GUCY1A1: variants seen among roughly 807,000 people sequenced by gnomAD.
GUCY1A1 encodes guanylate cyclase 1 soluble subunit alpha 1.
GUCY1A1 carries 48 observed loss-of-function variants against 64.5 expected under a neutral mutation model. The observed-to-expected ratio is 0.74, with a 90% CI of 0.59 to 0.95. GUCY1A1 has a LOEUF of 0.95. GUCY1A1 is among the 40% of genes least tolerant of loss of function. The pLI is 0.00. For synonymous variants in GUCY1A1, 308 were observed against 303.4 expected, an observed-to-expected ratio of 1.02 and a Z score of -0.16; for missense variants, 804 against 825.3, an observed-to-expected ratio of 0.97 and a Z score of 0.32.
intron 2 of GUCY1A1, among the ~76,000 whole-genome samples, chr4:155,673,363 T>G (rs1191065369): frequency 6.6e-6 from 1 of 151,554 alleles, no homozygotes; most frequent in African/African-American, 2.4e-5. Context: ...GTCTCAGAAT[T>G]ATACATGTCA....
rs554375013 is a variant in GUCY1A1 at position 155,686,406 on chromosome 4, G to A, written c.-112-10350G>A. Reference sequence around the variant, plus strand: ...TGAAGCAGGAGAATGACTTGAACCCGGGAGGCAGAGGTTGCAGTGAGCCAG... The same window carrying A: ...TGAAGCAGGAGAATGACTTGAACCCAGGAGGCAGAGGTTGCAGTGAGCCAG... On this transcript the variant is annotated intron_variant, in intron 2 of 9. Transcript: ENST00000506455. Among the ~76,000 whole-genome samples, 136 of 152,184 alleles carry A rather than the reference G, an allele frequency of 8.9e-4. 1 individual carries two copies. Among genetic ancestry groups the A allele is most frequent in the Non-Finnish European group, 1.4e-3 (97 of 68,036 alleles).
intron 4 of GUCY1A1, among the ~76,000 whole-genome samples, chr4:155,706,776 A>G (rs977337952): frequency 1.3e-5 from 2 of 152,218 alleles, no homozygotes; most frequent in Admixed American, 6.5e-5. Flanking sequence ...GAATTGCACT[A>G]TGTGCTGTTT....
rs1259726075 is a variant in GUCY1A1 at position 155,734,036 on chromosome 4, G to C, written c.*3805G>C. Among the ~76,000 whole-genome samples, 2 of 151,906 alleles carry C rather than the reference G, an allele frequency of 1.3e-5. No homozygotes were observed. The highest frequency in any genetic ancestry group is 1.5e-5 in the Non-Finnish European group (1 of 67,924). ...TAGGGAGGAAAGAAGAGTTGCTTCA[G>C]CATTTTGACTAACATTTCTTCCAAA... is the stretch of plus-strand genomic sequence containing the variant. On this transcript the variant is annotated 3_prime_UTR_variant, in exon 10 of 10. Transcript: ENST00000506455.
chr4:155,698,202 G>A (rs770304298), intron 3 of GUCY1A1, among the ~76,000 whole-genome samples: 17 of 151,982 alleles, frequency 1.1e-4, no homozygotes, highest in Admixed American at 2.0e-4. Context: ...GTCCAGGCTG[G>A]AATGACTGAG....
intron 4 of GUCY1A1, among the ~76,000 whole-genome samples, chr4:155,705,377 C>T (rs1371376713): frequency 1.3e-5 from 2 of 151,718 alleles, no homozygotes; most frequent in African/African-American, 2.4e-5. Flanking sequence ...GGCGAAACCC[C>T]GTCTCTACTA....
rs143251237 is a variant in GUCY1A1 at position 155,721,762 on chromosome 4, A to C, written c.1717-276A>C. On this transcript the variant is annotated intron_variant, in intron 8 of 9. Transcript: ENST00000506455. Reference sequence around the variant, plus strand: ...GCTGTGGTTACTATGATCCCTGTGCATGGAAACTTGTTTCAGATGTTGAAG... The same window carrying C: ...GCTGTGGTTACTATGATCCCTGTGCCTGGAAACTTGTTTCAGATGTTGAAG... Among the ~76,000 whole-genome samples the C allele has an allele frequency of 1.1e-3, 166 of 152,236 alleles. No homozygotes were observed. The East Asian group carries it at 0.027, about 25-fold the overall frequency.
rs1733384206 is a variant in GUCY1A1, at chr4:155,666,984, T to A, written c.-187+19T>A. On this transcript the variant is annotated intron_variant, in intron 1 of 9. Coordinates refer to ENST00000506455, the MANE Select transcript of GUCY1A1 (RefSeq NM_001130682.3). The stretch of plus-strand genomic sequence containing the variant: ...CACCATGGTGCGTTTTGGCTGCTAC[T>A]TTCTTTTTCAGTCTTTCGGTGCGGA... 1 of 152,502 alleles carries A rather than the reference T, an allele frequency of 6.6e-6. No homozygotes were observed. The highest frequency in any genetic ancestry group is 1.9e-4 in the East Asian group (1 of 5,194). 9.4% of individuals were successfully genotyped at this position (152,502 alleles called of 1,614,324 possible).
At chr4:155,719,845 T>C (rs1012038160) in intron 8 of GUCY1A1, among the ~76,000 whole-genome samples, 6 of 152,132 alleles carry the variant, frequency 3.9e-5, no homozygotes, top group Non-Finnish European at 5.9e-5. Flanking sequence ...ATGCCACAAG[T>C]GGTCTCAAAT....
At chr4:155,690,718 T>G (rs1450481045) in intron 2 of GUCY1A1, among the ~76,000 whole-genome samples, 1 of 152,198 alleles carries the variant, frequency 6.6e-6, no homozygotes, top group Non-Finnish European at 1.5e-5. Flanking sequence ...AGGACTAGGT[T>G]CAGATCTCTG....
Position 155,730,092 on chromosome 4 carries a change from A to C in GUCY1A1, c.1934A>C (p.Asn645Thr). The C allele has an allele frequency of 6.2e-7, 1 of 1,611,338 alleles. No homozygotes were observed. Among genetic ancestry groups the C allele is most frequent in the Non-Finnish European group, 8.5e-7 (1 of 1,178,006 alleles). ...TPRSREELPP[N>T]FPSEIPGICH... ...CGATCAAGGGAGGAACTTCCACCAA[A>C]CTTCCCTAGTGAAATCCCCGGAATC... Residue 645 changes from asparagine to threonine, a missense_variant, in exon 10 of 10, where the codon AAC becomes ACC. Physicochemically the swap from Asn to Thr is moderately conservative, Grantham distance 65. Coordinates refer to ENST00000506455, the MANE Select transcript of GUCY1A1 (RefSeq NM_001130682.3).
intron 4 of GUCY1A1, among the ~76,000 whole-genome samples, 155 bp from the exon 5 acceptor site, chr4:155,708,077 TCCAC>T (rs2126830054): frequency 6.6e-6 from 1 of 152,324 alleles, no homozygotes; most frequent in South Asian, 2.1e-4. Context: ...GACCTTGTGA[TCCAC>T]CCACCTCGGC....
At chr4:155,684,636 T>C (rs1037428480) in intron 2 of GUCY1A1, among the ~76,000 whole-genome samples, 2 of 152,160 alleles carry the variant, frequency 1.3e-5, no homozygotes, top group African/African-American at 4.8e-5. Flanking sequence ...ATGAGCCTTT[T>C]CTCTGGGGTC....
chr4:155,695,103 G>A (rs1055470642), intron 2 of GUCY1A1, among the ~76,000 whole-genome samples: 1 of 152,146 alleles, frequency 6.6e-6, no homozygotes, highest in African/African-American at 2.4e-5. Context: ...CATAGATTTT[G>A]TTTATAACTT....
chr4:155,733,411 G>A lies in GUCY1A1; in HGVS notation c.*3180G>A, dbSNP rs1735752095. On this transcript the variant is annotated 3_prime_UTR_variant, in exon 10 of 10. Coordinates refer to ENST00000506455, the MANE Select transcript of GUCY1A1 (RefSeq NM_001130682.3). ...CTGGACAGCCAGTTACCTGGGATGAGTTGGGAGGGAGGAGAATAAGGACAA... is the reference window on the plus strand; with the variant it reads ...CTGGACAGCCAGTTACCTGGGATGAATTGGGAGGGAGGAGAATAAGGACAA... 6.6e-6 allele frequency among the ~76,000 whole-genome samples: 1 copy of A among 151,738 alleles called. No individual in the cohort carries two copies. Among genetic ancestry groups the A allele is most frequent in the Non-Finnish European group, 1.5e-5 (1 of 67,846 alleles).
At chr4:155,682,056 T>G (rs1735848984) in intron 2 of GUCY1A1, among the ~76,000 whole-genome samples, 1 of 152,078 alleles carries the variant, frequency 6.6e-6, no homozygotes, top group Non-Finnish European at 1.5e-5. Flanking sequence ...ATCTAGTGAG[T>G]TGCCACATCA....
In GUCY1A1 at chr4:155,731,062, C is replaced by G. The variant is rs1283622279; in HGVS notation, c.*831C>G. On this transcript the variant is annotated 3_prime_UTR_variant, in exon 10 of 10. Coordinates refer to ENST00000506455, the MANE Select transcript of GUCY1A1 (RefSeq NM_001130682.3). ...TATCTTCTATTAAAATGCAGTAATACTATTCAAATCTAATTTAGCTGGAAG... is the reference window on the plus strand; with the variant it reads ...TATCTTCTATTAAAATGCAGTAATAGTATTCAAATCTAATTTAGCTGGAAG... The G allele has an allele frequency of 6.5e-6, 1 of 153,070 alleles. No homozygotes were observed. 9.5% of individuals were successfully genotyped at this position (153,070 alleles called of 1,614,324 possible).
At chr4:155,723,621 C>T (rs1172777721) in intron 9 of GUCY1A1, among the ~76,000 whole-genome samples, 1 of 146,582 alleles carries the variant, frequency 6.8e-6, no homozygotes, top group African/African-American at 2.5e-5. Flanking sequence ...CTCCCTTCTT[C>T]TTCTGCATTT....
Position 155,710,738 on chromosome 4 carries a change from A to T in GUCY1A1, c.573A>T (p.Leu191=). ...GCAGGCTTGAGGACGCCTCCATTCTATGCCTGGATAAGGAGGATGATTTTC... is the reference window on the plus strand; with the variant it reads ...GCAGGCTTGAGGACGCCTCCATTCTTTGCCTGGATAAGGAGGATGATTTTC... ...KRGRLEDASI[L]CLDKEDDFLH... is the part of the protein sequence containing the mutation. Residue 191 remains leucine, a synonymous_variant, in exon 6 of 10, where the codon CTA becomes CTT. Coordinates refer to ENST00000506455, the MANE Select transcript of GUCY1A1 (RefSeq NM_001130682.3). 6.2e-7 allele frequency: 1 copy of T among 1,614,096 alleles called. No individual in the cohort carries two copies. Among genetic ancestry groups the T allele is most frequent in the Non-Finnish European group, 8.5e-7 (1 of 1,179,970 alleles).
At chr4:155,680,605 T>C (rs886788957) in intron 2 of GUCY1A1, among the ~76,000 whole-genome samples, 1 of 152,092 alleles carries the variant, frequency 6.6e-6, no homozygotes, top group East Asian at 1.9e-4. Context: ...AGCTTACTGG[T>C]GACTGGAAGC....
Sources: allele counts gnomAD v4.1 joint callset (sites outside exome capture counted in the v4.1 genomes callset), GRCh38; gene constraint gnomAD v4.1.1; transcripts MANE v1.5; gene names NCBI Gene and HGNC (gene_info 2026-07-23, HGNC 2026-07-21).